Variants in GCSAML observed in about 807,000 individuals in gnomAD.
The protein encoded by GCSAML is germinal center associated signaling and motility like.
A neutral mutation model predicts 13.0 loss-of-function variants in GCSAML; 9 were observed. The ratio of observed to expected loss-of-function variants is 0.69; its 90% CI spans 0.42 to 1.21. The LOEUF (loss-of-function observed/expected upper bound fraction) is 1.21, where lower values mean the gene tolerates loss of function less well. Ranked by LOEUF, GCSAML falls within the 50% of genes most tolerant of loss-of-function variation. The pLI is 0.00. For synonymous variants in GCSAML, 37 were observed against 52.9 expected (o/e 0.70, Z 1.31); for missense variants, 143 against 153.4 (o/e 0.93, Z 0.36).
chr1:247,533,346 C>T (rs772718472), intron 2 of GCSAML, among the ~76,000 whole-genome samples: 8 of 152,236 alleles, frequency 5.3e-5, no homozygotes, highest in African/African-American at 9.6e-5. Flanking sequence ...CATTCTTCCC[C>T]GCAGTTAGCC....
At chr1:247,543,928 TG>T (rs1392813386) in intron 2 of GCSAML, among the ~76,000 whole-genome samples, 1 of 152,208 alleles carries the variant, frequency 6.6e-6, no homozygotes, top group African/African-American at 2.4e-5. Flanking sequence ...TAGCTGGGAC[TG>T]ACTACAAGTG....
chr1:247,572,893 A>C (rs571561262), intron 4 of GCSAML, among the ~76,000 whole-genome samples: 13 of 152,310 alleles, frequency 8.5e-5, no homozygotes, highest in Non-Finnish European at 1.9e-4. Context: ...ATAGAGAGGC[A>C]GTCTGGCCAC....
At chr1:247,517,167 T>C (rs1558233779) in intron 1 of GCSAML, among the ~76,000 whole-genome samples, 1 of 152,238 alleles carries the variant, frequency 6.6e-6, no homozygotes, top group Non-Finnish European at 1.5e-5. Context: ...GTCTTTTGGA[T>C]AATGTCAGAC....
intron 2 of GCSAML, among the ~76,000 whole-genome samples, chr1:247,561,656 C>T (rs2103053750): frequency 6.6e-6 from 1 of 152,146 alleles, no homozygotes; most frequent in African/African-American, 2.4e-5. Flanking sequence ...TTGTTAATAA[C>T]TATTAACAAT....
chr1:247,559,648 C>T (rs914608049), intron 2 of GCSAML, among the ~76,000 whole-genome samples: 6 of 152,124 alleles, frequency 3.9e-5, no homozygotes, highest in African/African-American at 7.2e-5. Context: ...GCTCTTATAG[C>T]GAAGTACCAT....
chr1:247,532,409 A>G (rs1667020131), intron 2 of GCSAML: 2 of 1,613,982 alleles, frequency 1.2e-6, no homozygotes, highest in African/African-American at 2.7e-5. Context: ...ACCATGTAAA[A>G]ACTCAAGACA....
rs373723932 is a variant in GCSAML, at chr1:247,511,072, T to C, written c.-263+3839T>C. 2.6e-5 allele frequency among the ~76,000 whole-genome samples: 4 copies of C among 152,298 alleles called. No individual in the cohort carries two copies. The South Asian group carries it at 8.3e-4, about 32-fold the overall frequency. On this transcript the variant is annotated intron_variant, in intron 1 of 5. Coordinates refer to the GCSAML transcript ENST00000366489. ...ATCCTTGTTAATTTTGTCTCACTGATCTAATATTGACAGTGAGGTGTTAAA... is the reference window on the plus strand; with the variant it reads ...ATCCTTGTTAATTTTGTCTCACTGACCTAATATTGACAGTGAGGTGTTAAA...
At chr1:247,557,489 T>A (rs1416105528) in intron 2 of GCSAML, among the ~76,000 whole-genome samples, 1 of 152,238 alleles carries the variant, frequency 6.6e-6, no homozygotes, top group Non-Finnish European at 1.5e-5. Flanking sequence ...AGCTCTTTTT[T>A]AATCATTTCA....
chr1:247,544,248 G>A (rs1026358784), upstream of GCSAML, among the ~76,000 whole-genome samples: 1 of 152,146 alleles, frequency 6.6e-6, no homozygotes, highest in African/African-American at 2.4e-5. Flanking sequence ...AAACCGAATT[G>A]TATCATTCAT....
chr1:247,548,294 G>A (rs1572344863), upstream of GCSAML, among the ~76,000 whole-genome samples: 1 of 152,212 alleles, frequency 6.6e-6, no homozygotes. The surrounding 1 kb of genome is among the most constrained non-coding windows in gnomAD (Gnocchi z 5.3). Flanking sequence ...TTGTGGCCTC[G>A]AAATTATCAC....
chr1:247,548,525 A>C (rs1229756324), upstream of GCSAML, among the ~76,000 whole-genome samples: 1 of 152,158 alleles, frequency 6.6e-6, no homozygotes, highest in Non-Finnish European at 1.5e-5. This position sits in a 1 kb window ranked among gnomAD's most constrained non-coding sequence, Gnocchi z 5.3. Context: ...CTTGTCTTTG[A>C]AAGTATCAGA....
chr1:247,530,526 C>CA (rs1553302927), intron 2 of GCSAML: 25,528 of 149,510 alleles, frequency 0.17, 2,740 homozygotes, highest in South Asian at 0.31. Flanking sequence ...ATCCCCCCCC[C>CA]ACAAAATAAC....
chr1:247,538,848 A>G (rs558369651), intron 2 of GCSAML: 1 of 440,272 alleles, frequency 2.3e-6, no homozygotes, highest in Non-Finnish European at 4.6e-6. Flanking sequence ...TTTTGTTATG[A>G]TATCTCGACC....
In GCSAML at chr1:247,555,839, T is replaced by C. The variant is rs372058166; in HGVS notation, c.30-568T>C. On this transcript the variant is annotated intron_variant, in intron 1 of 4. Coordinates refer to ENST00000366488, the MANE Select transcript of GCSAML (RefSeq NM_145278.5). The stretch of plus-strand genomic sequence containing the variant: ...TTCTCTAACTTCGTCATTTAGTGTT[T>C]GCCTGATTATCATAAAGATGATGAT... 3.3e-5 allele frequency among the ~76,000 whole-genome samples: 5 copies of C among 152,338 alleles called. No individual in the cohort carries two copies. In the East Asian group the frequency reaches 7.7e-4, roughly 24 times the overall value.
At position 247,531,814 on chromosome 1, in the gene GCSAML, TCTG is replaced by T. The variant is rs1234913917; in HGVS notation, c.-148+4764_-148+4766del. 1.9e-5 allele frequency: 31 copies of T among 1,614,180 alleles called. No homozygotes were observed. The Admixed American group carries it at 2.2e-4, about 11-fold the overall frequency. Reference sequence around the variant, plus strand: ...GGTGTTGAATGCCTTTCTCCGCCCTTCTGCTGACCTGATCTTCAACACGGCCCG... The same window carrying T: ...GGTGTTGAATGCCTTTCTCCGCCCTTCTGACCTGATCTTCAACACGGCCCG... On this transcript the variant is annotated intron_variant, in intron 2 of 5. Coordinates refer to the GCSAML transcript ENST00000366489.
intron 2 of GCSAML, among the ~76,000 whole-genome samples, chr1:247,537,635 C>G (rs1667266265): frequency 6.6e-6 from 1 of 152,210 alleles, no homozygotes; most frequent in South Asian, 2.1e-4. Context: ...TCCACATAAT[C>G]ACCAGCACTT....
At chr1:247,566,583 G>A (rs1400459794) in intron 4 of GCSAML, among the ~76,000 whole-genome samples, 1 of 151,966 alleles carries the variant, frequency 6.6e-6, no homozygotes, top group Admixed American at 6.6e-5. Context: ...AAAAACAGAT[G>A]AAATTAAGTA....
chr1:247,534,997 A>G (rs1217055821), intron 2 of GCSAML, among the ~76,000 whole-genome samples: 3 of 152,132 alleles, frequency 2.0e-5, no homozygotes, highest in African/African-American at 7.2e-5. Context: ...ATCCTGGAGA[A>G]TACATTCCAA....
chr1:247,539,867 A>G (rs1667349674), intron 2 of GCSAML, among the ~76,000 whole-genome samples: 1 of 152,098 alleles, frequency 6.6e-6, no homozygotes, highest in Non-Finnish European at 1.5e-5. Context: ...CTCTGTAAAT[A>G]CCCCATGTTG....
Sources: allele counts gnomAD v4.1 joint callset (sites outside exome capture counted in the v4.1 genomes callset), GRCh38; gene constraint gnomAD v4.1.1; non-coding constraint Gnocchi (gnomAD v3.1); transcripts MANE v1.5; gene names NCBI Gene and HGNC (gene_info 2026-07-23, HGNC 2026-07-21).